The following DOCK9 variants were observed in gnomAD, a reference collection of about 807,000 sequenced individuals.
DOCK9 encodes the protein dedicator of cytokinesis 9, also known as dedicator of cytokinesis protein 9.
A neutral mutation model predicts 263.3 loss-of-function variants in DOCK9; 89 were observed. That is an observed-to-expected ratio of 0.34 (90% CI 0.28 to 0.40). The LOEUF is 0.40. Among genes scored for constraint, DOCK9 ranks in the 10% least tolerant of loss-of-function variants. The pLI is 1.00. For missense variants in DOCK9, 2,140 were observed against 2,603.4 expected, an observed-to-expected ratio of 0.82 and a Z score of 3.87; for synonymous variants, 976 against 973.1, an observed-to-expected ratio of 1.00 and a Z score of -0.06.
At chr13:98,949,467 C>A (rs2057140063) in intron 2 of DOCK9, among the ~76,000 whole-genome samples, 1 of 152,114 alleles carries the variant, frequency 6.6e-6, no homozygotes. Context: ...CTCCCTCCTC[C>A]ATTCCTCCAT....
At chr13:98,816,808 G>A (rs1256354548) in intron 45 of DOCK9, among the ~76,000 whole-genome samples, 1 of 151,934 alleles carries the variant, frequency 6.6e-6, no homozygotes, top group Non-Finnish European at 1.5e-5. Context: ...AGGCAAGAGG[G>A]TGAAGGCAGC....
At chr13:98,885,868 A>C (rs1262980138) in intron 19 of DOCK9, 37 bp from the exon 20 acceptor site, 2 of 1,576,440 alleles carry the variant, frequency 1.3e-6, no homozygotes, top group Non-Finnish European at 1.7e-6. Context: ...AAATATTCTA[A>C]AAACACAGAA....
intron 1 of DOCK9, among the ~76,000 whole-genome samples, chr13:99,071,525 A>G (rs755135120): frequency 6.6e-5 from 10 of 151,874 alleles, no homozygotes; most frequent in Non-Finnish European, 1.3e-4. Context: ...GTTAAATGGA[A>G]GTGGATCATC....
chr13:99,000,770 C>T (rs1001489367), intron 1 of DOCK9, among the ~76,000 whole-genome samples: 5 of 152,142 alleles, frequency 3.3e-5, no homozygotes, highest in African/African-American at 7.2e-5. Flanking sequence ...AATGCAAATA[C>T]CCTTTAGCAG....
intron 22 of DOCK9, among the ~76,000 whole-genome samples, chr13:98,883,462 GTC>G (rs927507730): frequency 6.6e-6 from 1 of 152,134 alleles, no homozygotes; most frequent in African/African-American, 2.4e-5. Context: ...GGCCAGGCTG[GTC>G]TCAAACCCCT....
intron 6 of DOCK9, among the ~76,000 whole-genome samples, chr13:98,921,453 CT>C (rs1356784538): frequency 6.6e-6 from 1 of 152,140 alleles, no homozygotes; most frequent in African/African-American, 2.4e-5. Context: ...TATTTTTTGC[CT>C]CATGACGCTG....
Position 98,868,358 on chromosome 13 carries a change from A to C in DOCK9, c.2963T>G (p.Phe988Cys). Residue 988 changes from phenylalanine to cysteine, a missense_variant, in exon 28 of 53, where the codon TTT becomes TGT. Physicochemically the swap from Phe to Cys is radical, Grantham distance 205. Around this residue, in one of 2 missense-constraint regions of DOCK9, gnomAD observed 1,521 missense variants for 1,741.7 expected, o/e 0.87. Transcript: ENST00000682017. ...CACTGCATGATGATAGGATGCAGGA[A>C]ATCTCTGGTTTCGCAGCAACTAAAA... ...SKVKLLRNQRFPASYHHAVET... is the reference protein window; with the variant it reads ...SKVKLLRNQRCPASYHHAVET... The C allele has an allele frequency of 6.2e-7, 1 of 1,612,464 alleles. No homozygotes were observed. The highest frequency in any genetic ancestry group is 8.5e-7 in the Non-Finnish European group (1 of 1,179,354).
intron 1 of DOCK9, among the ~76,000 whole-genome samples, chr13:99,008,920 T>C (rs545420774): frequency 1.4e-4 from 22 of 152,270 alleles, no homozygotes; most frequent in Admixed American, 1.0e-3. Context: ...CTTCAACATA[T>C]GAATAGGGAG....
At chr13:98,886,690 A>T (rs2045743035) in intron 18 of DOCK9, 66 bp from the exon 19 acceptor site, 3 of 1,423,772 alleles carry the variant, frequency 2.1e-6, no homozygotes, top group Admixed American at 3.6e-5. Context: ...ACTTGGATAT[A>T]TCGTAAAGGA....
chr13:98,904,666 C>T lies in DOCK9; in HGVS notation c.1001G>A (p.Arg334Lys). 6.4e-7 allele frequency: 1 copy of T among 1,557,946 alleles called. No homozygotes were observed. ...EAEIKLKSESRVKLFYLDPDA... is the reference protein window; with the variant it reads ...EAEIKLKSESKVKLFYLDPDA... ...TGGGTCCAAATAAAAAAGTTTGACT[C>T]TGCTTTCACTTTTCAGTTTGATTTC... The change falls in exon 10 of 53, where the codon AGA becomes AAA. Residue 334 changes from arginine (R) to lysine (K), a missense_variant. Physicochemically the swap from Arg to Lys is conservative, Grantham distance 26 (BLOSUM62 2). This residue lies in a region of DOCK9 where 1,521 missense variants were observed against 1,741.7 expected (regional missense o/e 0.87). Transcript: ENST00000682017.
At position 98,882,520 on chromosome 13, in the gene DOCK9, G is replaced by A. The variant is rs149368090; in HGVS notation, c.2560-513C>T. 1.9e-3 allele frequency among the ~76,000 whole-genome samples: 286 copies of A among 152,118 alleles called. 3 individuals carry two copies. Among genetic ancestry groups the A allele is most frequent in the African/African-American group, 6.5e-3 (270 of 41,490 alleles). On this transcript the variant is annotated intron_variant, in intron 23 of 52. Coordinates refer to ENST00000682017, the MANE Select transcript of DOCK9 (RefSeq NM_001366683.2). Reference sequence around the variant, plus strand: ...TTTAGCTATTTCCCCTTTCCAAAATGCTCCCCACAGCCACGTTCTGGATGA... The same window carrying A: ...TTTAGCTATTTCCCCTTTCCAAAATACTCCCCACAGCCACGTTCTGGATGA...
intron 47 of DOCK9, among the ~76,000 whole-genome samples, chr13:98,808,212 G>A (rs1165241407): frequency 6.6e-6 from 1 of 152,148 alleles, no homozygotes; most frequent in Non-Finnish European, 1.5e-5. Context: ...CATGCACACA[G>A]GATTTTATGG....
At chr13:98,999,290 G>GCACACACACACACACA (rs1217981239) in intron 1 of DOCK9, among the ~76,000 whole-genome samples, 5 of 145,762 alleles carry the variant, frequency 3.4e-5, no homozygotes, top group African/African-American at 7.6e-5. Context: ...GCATGCACGC[G>GCACACACACACACACA]CACACACACA....
chr13:99,078,339 C>T (rs1000654517), intron 1 of DOCK9, among the ~76,000 whole-genome samples: 32 of 152,074 alleles, frequency 2.1e-4, no homozygotes, highest in African/African-American at 6.8e-4. Context: ...TTAGGAATGC[C>T]CCTTTGTGGT....
At chr13:98,990,124 C>T (rs1272599499) in intron 1 of DOCK9, among the ~76,000 whole-genome samples, 3 of 152,170 alleles carry the variant, frequency 2.0e-5, no homozygotes, top group Non-Finnish European at 4.4e-5. Flanking sequence ...GTGTGACCAT[C>T]ATAGGATGGT....
At chr13:98,821,886 T>C (rs1342527010) in intron 45 of DOCK9, among the ~76,000 whole-genome samples, 1 of 152,228 alleles carries the variant, frequency 6.6e-6, no homozygotes, top group Non-Finnish European at 1.5e-5. Context: ...AGGGCAATGA[T>C]TTTTATTCAA....
chr13:99,004,376 G>A (rs1239827980), intron 1 of DOCK9, among the ~76,000 whole-genome samples: 1 of 152,184 alleles, frequency 6.6e-6, no homozygotes, highest in Non-Finnish European at 1.5e-5. Context: ...GAAAGCACAA[G>A]GAAATAATAA....
chr13:98,845,436 A>G, intron 38 of DOCK9: 1 of 1,148,462 alleles, frequency 8.7e-7, no homozygotes, highest in Non-Finnish European at 1.2e-6. Flanking sequence ...AAATTGATTC[A>G]TGGGCTTTAT....
chr13:98,854,092 G>A (rs150217915), intron 34 of DOCK9, among the ~76,000 whole-genome samples: 62 of 152,220 alleles, frequency 4.1e-4, no homozygotes, highest in Admixed American at 1.0e-3. Context: ...ACAGGGACAC[G>A]TCAGCACAGC....
Sources: gnomAD v4.1 joint callset for allele counts (sites outside exome capture counted in the v4.1 genomes callset) on GRCh38, gnomAD v4.1.1 for gene constraint, gnomAD v4.1.1 regional missense constraint, MANE v1.5 for transcripts, NCBI Gene and HGNC (gene_info 2026-07-23, HGNC 2026-07-21) for gene names.